The following SAG variants were observed in gnomAD, a reference collection of about 807,000 sequenced individuals.
The protein encoded by SAG is S-antigen visual arrestin.
In SAG, 45 loss-of-function variants were observed where a neutral mutation model predicts 55.0. The ratio of observed to expected loss-of-function variants is 0.82; its 90% CI spans 0.64 to 1.05. SAG has a LOEUF of 1.05. Ranked by LOEUF, SAG falls within the 50% of genes least tolerant of loss-of-function variation. The pLI is 0.00. For synonymous variants in SAG, 189 were observed against 197.4 expected (o/e 0.96, Z 0.36); for missense variants, 455 against 512.1 (o/e 0.89, Z 1.08).
chr2:233,334,785 G>A, intron 10 of SAG, 177 bp from the exon 11 acceptor site: 1 of 642,332 alleles, frequency 1.6e-6, no homozygotes, highest in Non-Finnish European at 2.7e-6. Context: ...CCCACCCTGA[G>A]ATTTCACAAG....
At chr2:233,330,969 T>TG in intron 9 of SAG, among the ~76,000 whole-genome samples, 1 of 152,144 alleles carries the variant, frequency 6.6e-6, no homozygotes, top group East Asian at 1.9e-4. Context: ...CCCAGTACTT[T>TG]GGGAGGCCAA....
rs571395513 is a variant in SAG, at chr2:233,345,135, A to C, written c.1103-1268A>C. 3 of 152,362 alleles carry C rather than the reference A, an allele frequency of 2.0e-5. No individual in the cohort carries two copies. In the East Asian group the frequency reaches 5.8e-4, roughly 29 times the overall value. The allele number at this position is 152,362 out of a possible 1,614,324, so 9.4% of individuals were successfully genotyped here. The stretch of plus-strand genomic sequence containing the variant: ...CCATCAAATCGCCGCTGTGCTCCCC[A>C]AAACTAGGTGGGCAGAAAGCTAAAA... On this transcript the variant is annotated intron_variant, in intron 14 of 15. Transcript: ENST00000409110.
At chr2:233,320,603 C>T (rs1442957185) in intron 4 of SAG, 27 bp from the exon 5 acceptor site, 1 of 1,542,722 alleles carries the variant, frequency 6.5e-7, no homozygotes. Flanking sequence ...AGGGCCAAGT[C>T]CGACCCTGCC....
At chr2:233,329,758 A>G (rs1237385279) in intron 9 of SAG, among the ~76,000 whole-genome samples, 181 bp downstream of exon 9, 9 of 152,180 alleles carry the variant, frequency 5.9e-5, no homozygotes. Context: ...TATCTCATTC[A>G]ACTTCCTGCC....
At chr2:233,310,481 A>G (rs1369987655) in intron 2 of SAG, among the ~76,000 whole-genome samples, 1 of 149,296 alleles carries the variant, frequency 6.7e-6, no homozygotes, top group Non-Finnish European at 1.5e-5. Context: ...ACCCTACTGG[A>G]CAGGGTAGCT....
chr2:233,310,227 G>T (rs1055477810), intron 2 of SAG, among the ~76,000 whole-genome samples: 1 of 152,198 alleles, frequency 6.6e-6, no homozygotes, highest in Non-Finnish European at 1.5e-5. Flanking sequence ...GCAACATCTA[G>T]TGCAAGCCAC....
At chr2:233,330,960 C>T (rs1169870018) in intron 9 of SAG, among the ~76,000 whole-genome samples, 2 of 151,932 alleles carry the variant, frequency 1.3e-5, no homozygotes, top group African/African-American at 4.8e-5. Context: ...GCCTGTAATC[C>T]CAGTACTTTG....
intron 9 of SAG, among the ~76,000 whole-genome samples, chr2:233,330,876 G>T (rs529399146): frequency 7.2e-5 from 11 of 152,120 alleles, no homozygotes; most frequent in Non-Finnish European, 1.0e-4. Context: ...CTTTCTATAG[G>T]CTGGGCACTG....
rs535626396 is a variant in SAG at position 233,308,220 on chromosome 2, G to C, written c.-29+198G>C. Among the ~76,000 whole-genome samples the C allele has an allele frequency of 1.6e-4, 25 of 152,354 alleles. No homozygotes were observed. In the South Asian group the frequency reaches 5.2e-3, roughly 32 times the overall value. On this transcript the variant is annotated intron_variant, in intron 1 of 15. Transcript: ENST00000409110. Reference sequence around the variant, plus strand: ...CATGCCTATAGTCCCAGTGACTCAGGAGGCTGAGGCTGGAGGATCACTTGA... The same window carrying C: ...CATGCCTATAGTCCCAGTGACTCAGCAGGCTGAGGCTGGAGGATCACTTGA...
At chr2:233,334,853 G>C in intron 10 of SAG, 109 bp from the exon 11 acceptor site, 3 of 1,303,252 alleles carry the variant, frequency 2.3e-6, no homozygotes, top group Non-Finnish European at 2.2e-6. Flanking sequence ...CTTCCCAGGA[G>C]GTCCATCAGG....
At chr2:233,330,676 G>A (rs572221659) in intron 9 of SAG, among the ~76,000 whole-genome samples, 1 of 152,000 alleles carries the variant, frequency 6.6e-6, no homozygotes, top group South Asian at 2.1e-4. Flanking sequence ...GATTACAGGC[G>A]TGCACCAATT....
At chr2:233,346,743 A>G in intron 15 of SAG, 64 bp from the exon 16 acceptor site, 1 of 1,104,654 alleles carries the variant, frequency 9.1e-7, no homozygotes, top group Non-Finnish European at 1.4e-6. Context: ...AAGATCAAGG[A>G]TCTTGTTTCA....
In SAG at chr2:233,345,152, A is replaced by T. The variant is rs189927969; in HGVS notation, c.1103-1251A>T. On this transcript the variant is annotated intron_variant, in intron 14 of 15. Transcript: ENST00000409110. Reference sequence around the variant, plus strand: ...TGCTCCCCAAAACTAGGTGGGCAGAAAGCTAAAAAAGTACAAAAACCATTC... The same window carrying T: ...TGCTCCCCAAAACTAGGTGGGCAGATAGCTAAAAAAGTACAAAAACCATTC... 3.9e-5 allele frequency: 6 copies of T among 152,362 alleles called. No homozygotes were observed. In the East Asian group the frequency reaches 9.6e-4, roughly 24 times the overall value. 9.4% of individuals were successfully genotyped at this position (152,362 alleles called of 1,614,324 possible).
intron 2 of SAG, among the ~76,000 whole-genome samples, chr2:233,314,378 A>G (rs1220469901): frequency 6.6e-6 from 1 of 152,106 alleles, no homozygotes; most frequent in African/African-American, 2.4e-5. Context: ...TGTGATCCCC[A>G]CTAGAGGGCT....
chr2:233,340,342 G>C lies in SAG; in HGVS notation c.1023-113G>C. On this transcript the variant is annotated intron_variant, in intron 12 of 15. Transcript: ENST00000409110. This position sits in a 1 kb window ranked among gnomAD's most constrained non-coding sequence, Gnocchi z 4.2. ...GGGATGGGAAGACCCTGGATGTTGT[G>C]AGTTCGGGTGCAAGGGCCATGAGAG... The C allele has an allele frequency of 1.2e-6, 1 of 809,704 alleles. No homozygotes were observed. Among genetic ancestry groups the C allele is most frequent in the East Asian group, 2.6e-5 (1 of 37,984 alleles). The allele number at this position is 809,704 out of a possible 1,614,324, so 50.2% of individuals were successfully genotyped here. A position where few individuals can be genotyped will look rare whatever the true frequency, so the allele number is the denominator to read the frequency against.
At chr2:233,309,701 CTCTG>C (rs1700025509) in intron 2 of SAG, among the ~76,000 whole-genome samples, 1 of 152,112 alleles carries the variant, frequency 6.6e-6, no homozygotes, top group South Asian at 2.1e-4. Context: ...CTATTTTTGT[CTCTG>C]TCTAAGATGG....
chr2:233,318,283 G>C (rs1196668904), intron 3 of SAG, among the ~76,000 whole-genome samples: 2 of 152,100 alleles, frequency 1.3e-5, no homozygotes, highest in African/African-American at 4.8e-5. Flanking sequence ...TCCTGCCTCA[G>C]CCTCCTGAGT....
chr2:233,316,122 AG>A lies in SAG; in HGVS notation c.124del (p.Val42SerfsTer15). The A allele has an allele frequency of 6.3e-7, 1 of 1,594,666 alleles. No individual in the cohort carries two copies. The highest frequency in any genetic ancestry group is 8.6e-7 in the Non-Finnish European group (1 of 1,167,302). On this transcript the variant is annotated frameshift_variant, in exon 3 of 16. Transcript: ENST00000409110. LOFTEE classifies it high-confidence loss of function. ...GAGACTACATAGACCATGTCAGCCA[AG>A]TCCAGCCTGTGGGTAAGTTGCTTGG... The part of the protein sequence containing the change: ...NRDYIDHVSQ[V>X]QPVDGVVLVD...
chr2:233,314,221 C>CA (rs59624953), intron 2 of SAG, among the ~76,000 whole-genome samples: 19,670 of 133,440 alleles, frequency 0.15, 1,648 homozygotes, highest in African/African-American at 0.25. Context: ...GACCTTGTCT[C>CA]AAAAAAAAAA....
Sources: gnomAD v4.1 joint callset for allele counts (sites outside exome capture counted in the v4.1 genomes callset) on GRCh38, gnomAD v4.1.1 for gene constraint, Gnocchi (gnomAD v3.1) non-coding constraint, MANE v1.5 for transcripts, NCBI Gene and HGNC (gene_info 2026-07-23, HGNC 2026-07-21) for gene names.